WBP2NL: variants seen among roughly 807,000 people sequenced by gnomAD.
The protein encoded by WBP2NL is WBP2 N-terminal like, also known as postacrosomal sheath WW domain-binding protein.
WBP2NL carries 27 observed loss-of-function variants against 23.3 expected under a neutral mutation model. That is an observed-to-expected ratio of 1.16 (90% CI 0.85 to 1.60). The LOEUF (loss-of-function observed/expected upper bound fraction) is 1.60. Among genes scored for constraint, WBP2NL ranks in the 40% most tolerant of loss-of-function variants. WBP2NL has a pLI of 0.00. For synonymous variants in WBP2NL, 151 were observed against 145.9 expected (o/e 1.03, Z -0.25); for missense variants, 370 against 389.5 (o/e 0.95, Z 0.42).
At chr22:42,013,683 C>T (rs1923044096) in intron 1 of WBP2NL, among the ~76,000 whole-genome samples, 2 of 152,132 alleles carry the variant, frequency 1.3e-5, no homozygotes. Flanking sequence ...GATCACAGCT[C>T]ACTGCAGCCT....
chr22:42,026,838 A>G lies in WBP2NL; in HGVS notation c.587A>G (p.Tyr196Cys). The change falls in exon 6 of 6, where the codon TAT (tyrosine) becomes TGT (cysteine). Residue 196 changes from tyrosine (Y) to cysteine (C), a missense_variant. Physicochemically the swap from Tyr to Cys is radical, Grantham distance 194 (BLOSUM62 -2). Transcript: ENST00000328823. ...GGATACGGAGCCCCACCTGCAGGAT[A>G]TGGAGCCCAACCCGTAGGAAATGAA... ...PPGYGAPPAG[Y>C]GAQPVGNEGP... The G allele has an allele frequency of 6.2e-7, 1 of 1,612,988 alleles. No individual in the cohort carries two copies. Among genetic ancestry groups the G allele is most frequent in the African/African-American group, 1.3e-5 (1 of 74,636 alleles).
intron 8 of WBP2NL, among the ~76,000 whole-genome samples, chr22:42,053,759 A>G (rs188829941): frequency 1.6e-3 from 238 of 152,158 alleles, no homozygotes; most frequent in African/African-American, 5.4e-3. Flanking sequence ...CACCTGGCCA[A>G]TGTTGGGCAT....
At chr22:42,052,221 G>A (rs1160659863) in intron 8 of WBP2NL, among the ~76,000 whole-genome samples, 1 of 152,148 alleles carries the variant, frequency 6.6e-6, no homozygotes, top group Non-Finnish European at 1.5e-5. Context: ...TCCAGGGACT[G>A]TCTTGAGGAA....
chr22:42,013,084 C>T (rs1003681962), intron 1 of WBP2NL, among the ~76,000 whole-genome samples: 6 of 150,350 alleles, frequency 4.0e-5, no homozygotes, highest in Non-Finnish European at 5.9e-5. Flanking sequence ...AATAAGAAAT[C>T]GCTGCTGGCC....
chr22:42,002,378 T>A (rs1398435079), intron 1 of WBP2NL, among the ~76,000 whole-genome samples: 1 of 151,706 alleles, frequency 6.6e-6, no homozygotes, highest in Non-Finnish European at 1.5e-5. Context: ...AGATCAGGAG[T>A]TCAAGACCAG....
intron 8 of WBP2NL, among the ~76,000 whole-genome samples, chr22:42,051,542 A>T (rs937748090): frequency 1.3e-5 from 2 of 152,228 alleles, no homozygotes; most frequent in Admixed American, 1.3e-4. Context: ...AGTACTATCA[A>T]TTATAACAAA....
chr22:42,022,325 G>A lies in WBP2NL; in HGVS notation c.483G>A (p.Gly161=), dbSNP rs748001306. The part of the protein sequence containing the change: ...SMGIYVITGE[G]NMCTPQMPCS... ...GAATTTATGTAATTACTGGGGAAGG[G>A]AATATGTGCACTCCACAGATGCCTT... Residue 161 remains glycine (G), a synonymous_variant, in exon 5 of 6, where the codon GGG becomes GGA. Transcript: ENST00000328823. 5 of 1,614,030 alleles carry A rather than the reference G, an allele frequency of 3.1e-6. No homozygotes were observed. In the South Asian group the frequency reaches 5.5e-5, roughly 18 times the overall value.
chr22:42,002,065 G>GC, intron 1 of WBP2NL: 1 of 453,584 alleles, frequency 2.2e-6, no homozygotes. Context: ...TGGTGTTTGG[G>GC]TGTCTTCTCA....
At chr22:42,031,415 A>G (rs1448049389), downstream of WBP2NL, 1 of 152,122 alleles carries the variant, frequency 6.6e-6, no homozygotes, top group Non-Finnish European at 1.5e-5. Context: ...TGACTCACTC[A>G]CTGTGCTGGT....
At chr22:42,056,524 T>A (rs1369381062) in intron 8 of WBP2NL, among the ~76,000 whole-genome samples, 2 of 152,336 alleles carry the variant, frequency 1.3e-5, no homozygotes, top group African/African-American at 2.4e-5. Flanking sequence ...CATTTTGGCC[T>A]GAAGGATGTC....
intron 1 of WBP2NL, among the ~76,000 whole-genome samples, chr22:42,013,800 A>T (rs6002574): frequency 1.6e-4 from 23 of 148,086 alleles, no homozygotes; most frequent in African/African-American, 5.2e-4. Flanking sequence ...TTTTTTTTTG[A>T]GAGAGAGTCT....
At chr22:42,043,731 ATT>A (rs133354) in intron 8 of WBP2NL, among the ~76,000 whole-genome samples, 16 of 148,432 alleles carry the variant, frequency 1.1e-4, no homozygotes, top group East Asian at 2.0e-4. Flanking sequence ...CTGGAGCTAG[ATT>A]TTTTTTTTTT....
At chr22:42,035,638 T>G (rs1055913788), downstream of WBP2NL, among the ~76,000 whole-genome samples, 5 of 152,000 alleles carry the variant, frequency 3.3e-5, no homozygotes, top group Non-Finnish European at 5.9e-5. Context: ...TTTTTGTCTC[T>G]TAAATTATTT....
intron 8 of WBP2NL, among the ~76,000 whole-genome samples, chr22:42,050,491 T>A (rs1029465608): frequency 6.6e-6 from 1 of 151,682 alleles, no homozygotes; most frequent in Non-Finnish European, 1.5e-5. Context: ...ACTAAAAATA[T>A]ATAAAAATTA....
At position 42,026,982 on chromosome 22, in the gene WBP2NL, G is replaced by C. The variant is rs1214362761; in HGVS notation, c.731G>C (p.Gly244Ala). ...PPLGYGAPPLGYGTPPLGYGA... is the reference protein window; with the variant it reads ...PPLGYGAPPLAYGTPPLGYGA... ...CTAGGATATGGAGCCCCACCTCTTG[G>C]ATATGGAACCCCACCTCTCGGATAT... Residue 244 changes from glycine (G) to alanine (A), a missense_variant, in exon 6 of 6, where the codon GGA (glycine) becomes GCA (alanine). Coordinates refer to ENST00000328823, the MANE Select transcript of WBP2NL (RefSeq NM_152613.3). The C allele has an allele frequency of 1.9e-6, 3 of 1,612,746 alleles. No homozygotes were observed. The African/African-American group carries it at 4.0e-5, about 22-fold the overall frequency.
intron 8 of WBP2NL, among the ~76,000 whole-genome samples, chr22:42,056,997 T>G (rs1926061581): frequency 6.6e-6 from 1 of 152,210 alleles, no homozygotes; most frequent in Non-Finnish European, 1.5e-5. Context: ...TTCTGTCTTT[T>G]GAGGGTTTGA....
rs565355190 is a variant in WBP2NL, at chr22:42,056,797, A to C, written c.*274-1493A>C. The stretch of plus-strand genomic sequence containing the variant: ...CAGGCATTGCATTCCTGTAATAATC[A>C]CATCATGGAAAATGGGGTATCTAGT... On this transcript the variant is annotated intron_variant and NMD_transcript_variant, in intron 8 of 8. Transcript: ENST00000436265. Among the ~76,000 whole-genome samples the C allele has an allele frequency of 3.9e-5, 6 of 152,268 alleles. No individual in the cohort carries two copies. The East Asian group carries it at 9.6e-4, about 24-fold the overall frequency.
At chr22:42,006,262 C>A (rs1170330840) in intron 1 of WBP2NL, among the ~76,000 whole-genome samples, 1 of 151,652 alleles carries the variant, frequency 6.6e-6, no homozygotes, top group Non-Finnish European at 1.5e-5. Flanking sequence ...GCTCTGTCAC[C>A]CAGGCTGGAG....
In WBP2NL at chr22:42,058,350, G is replaced by A. The variant is rs5758566; in HGVS notation, c.*334G>A. The stretch of plus-strand genomic sequence containing the variant: ...GAAGAGAGATGAAATAATGGTACAC[G>A]TTGATGGTTACTGGAGCTGGATGCT... On this transcript the variant is annotated 3_prime_UTR_variant and NMD_transcript_variant, in exon 9 of 9. Transcript: ENST00000436265. 0.62 allele frequency: 94,910 copies of A among 151,864 alleles called. 30,224 individuals are homozygous for A. The highest frequency in any genetic ancestry group is 0.85 in the East Asian group (4,394 of 5,170). 9.4% of individuals were successfully genotyped at this position (151,864 alleles called of 1,614,324 possible). A position where few individuals can be genotyped will look rare whatever the true frequency, so the allele number is the denominator to read the frequency against.
Sources: allele counts gnomAD v4.1 joint callset (sites outside exome capture counted in the v4.1 genomes callset), GRCh38; gene constraint gnomAD v4.1.1; transcripts MANE v1.5; gene names NCBI Gene and HGNC (gene_info 2026-07-23, HGNC 2026-07-21).